Variants in FHIT observed in about 807,000 individuals in gnomAD.
FHIT encodes the protein fragile histidine triad diadenosine triphosphatase.
FHIT carries 19 observed loss-of-function variants against 17.9 expected under a neutral mutation model. The ratio of observed to expected loss-of-function variants is 1.06; its 90% CI spans 0.74 to 1.56. FHIT has a LOEUF of 1.56. Among genes scored for constraint, FHIT ranks in the 40% most tolerant of loss-of-function variants. The pLI, the probability that FHIT is intolerant of heterozygous loss-of-function variation, is 0.00. For missense variants in FHIT, 248 were observed against 189.2 expected, an observed-to-expected ratio of 1.31 and a Z score of -1.82; for synonymous variants, 81 against 69.7, an observed-to-expected ratio of 1.16 and a Z score of -0.81.
intron 2 of FHIT, among the ~76,000 whole-genome samples, chr3:61,077,562 C>G (rs2035009802): frequency 6.6e-6 from 1 of 152,078 alleles, no homozygotes; most frequent in African/African-American, 2.4e-5. Context: ...ACCCCTACTT[C>G]CTCCCCACTG....
chr3:61,023,987 AAAT>A (rs1323984389), intron 3 of FHIT, among the ~76,000 whole-genome samples: 71 of 152,208 alleles, frequency 4.7e-4, no homozygotes, highest in Non-Finnish European at 8.7e-4. Context: ...ACAAAAGCCA[AAAT>A]TGACAAATGG....
chr3:60,682,424 T>C (rs1416364147), intron 4 of FHIT, among the ~76,000 whole-genome samples: 2 of 152,184 alleles, frequency 1.3e-5, no homozygotes, highest in African/African-American at 4.8e-5. Context: ...GCTGGTGACT[T>C]TAAGTTGAAG....
chr3:60,801,674 G>A (rs993363899), intron 4 of FHIT, among the ~76,000 whole-genome samples: 2 of 152,226 alleles, frequency 1.3e-5, no homozygotes, highest in Non-Finnish European at 2.9e-5. Context: ...TCTTATGACA[G>A]TATTGGGCTC....
chr3:61,042,475 G>T (rs1188863202), intron 2 of FHIT, among the ~76,000 whole-genome samples: 1 of 152,138 alleles, frequency 6.6e-6, no homozygotes, highest in East Asian at 1.9e-4. Flanking sequence ...TTTTAAAACA[G>T]AATATGGGTA....
At chr3:60,255,587 G>A (rs1305466973) in intron 5 of FHIT, among the ~76,000 whole-genome samples, 1 of 152,082 alleles carries the variant, frequency 6.6e-6, no homozygotes, top group Non-Finnish European at 1.5e-5. Flanking sequence ...TTTTCCAAAA[G>A]CCGCCCCAAA....
intron 7 of FHIT, among the ~76,000 whole-genome samples, chr3:59,984,395 G>C (rs1295336735): frequency 7.7e-6 from 1 of 129,798 alleles, no homozygotes; most frequent in Non-Finnish European, 1.6e-5. Context: ...CAAATCCACT[G>C]GGGGGGGCTC....
intron 2 of FHIT, among the ~76,000 whole-genome samples, chr3:61,048,506 A>G (rs1272894031): frequency 6.6e-6 from 1 of 152,226 alleles, no homozygotes; most frequent in Non-Finnish European, 1.5e-5. Flanking sequence ...GTGGAGAAAT[A>G]GGAACACTTT....
intron 3 of FHIT, among the ~76,000 whole-genome samples, chr3:60,886,850 A>G (rs1412934000): frequency 1.3e-5 from 2 of 152,166 alleles, no homozygotes; most frequent in Non-Finnish European, 2.9e-5. Flanking sequence ...AAGGCTATCT[A>G]GACTATCTAC....
At chr3:59,889,571 A>G (rs1292297698) in intron 8 of FHIT, among the ~76,000 whole-genome samples, 1 of 152,196 alleles carries the variant, frequency 6.6e-6, no homozygotes, top group African/African-American at 2.4e-5. Flanking sequence ...CCCTCCTTAT[A>G]ACAGAGAGGA....
chr3:60,011,356 A>C lies in FHIT; in HGVS notation c.279+15T>G. ...TCGCCTCTTATTAATTTGTATGCAC[A>C]TAATAAGCACTCACCTTCACAGTCT... On this transcript the variant is annotated intron_variant, in intron 7 of 9. Transcript: ENST00000492590. The C allele has an allele frequency of 6.2e-7, 1 of 1,612,942 alleles. No individual in the cohort carries two copies.
chr3:59,893,255 G>C (rs544642927), intron 8 of FHIT, among the ~76,000 whole-genome samples: 1 of 152,280 alleles, frequency 6.6e-6, no homozygotes, highest in Non-Finnish European at 1.5e-5. Context: ...CAGCTTCAAG[G>C]TGTCAACTGG....
At chr3:60,001,585 T>G (rs1699730182) in intron 7 of FHIT, among the ~76,000 whole-genome samples, 1 of 152,148 alleles carries the variant, frequency 6.6e-6, no homozygotes, top group Non-Finnish European at 1.5e-5. Flanking sequence ...CTCACAGTGC[T>G]TTGAGTTTCC....
At chr3:60,132,186 A>G (rs572267508) in intron 5 of FHIT, among the ~76,000 whole-genome samples, 3 of 152,070 alleles carry the variant, frequency 2.0e-5, no homozygotes, top group African/African-American at 7.2e-5. Flanking sequence ...TTCACTCTTC[A>G]TTTGTTTCCT....
intron 5 of FHIT, among the ~76,000 whole-genome samples, chr3:60,521,525 G>T (rs1284009479): frequency 6.6e-6 from 1 of 152,126 alleles, no homozygotes. Context: ...GGGATTACAG[G>T]CATGAGCCAC....
intron 5 of FHIT, among the ~76,000 whole-genome samples, chr3:60,272,453 GT>G (rs2107629889): frequency 6.6e-6 from 1 of 152,274 alleles, no homozygotes; most frequent in African/African-American, 2.4e-5. Flanking sequence ...GTCAGTGTGT[GT>G]CTGGGGCTAT....
intron 5 of FHIT, among the ~76,000 whole-genome samples, chr3:60,070,743 C>T (rs1378164513): frequency 2.0e-5 from 3 of 152,200 alleles, no homozygotes; most frequent in Admixed American, 6.5e-5. Flanking sequence ...GTCCATGAGA[C>T]AGAAGGTTAT....
intron 1 of FHIT, among the ~76,000 whole-genome samples, chr3:61,244,939 T>C (rs2040454785): frequency 6.6e-6 from 1 of 152,184 alleles, no homozygotes; most frequent in Admixed American, 6.5e-5. Context: ...CTCGTTAATC[T>C]GTCTTTTGTT....
chr3:60,870,903 G>C (rs545939947), intron 3 of FHIT, among the ~76,000 whole-genome samples: 2 of 152,240 alleles, frequency 1.3e-5, no homozygotes, highest in East Asian at 1.9e-4. Flanking sequence ...TTGGGAAATA[G>C]TCACTTAGCC....
chr3:60,474,744 C>T (rs1370906196), intron 5 of FHIT, among the ~76,000 whole-genome samples: 2 of 152,048 alleles, frequency 1.3e-5, no homozygotes, highest in Non-Finnish European at 1.5e-5. Context: ...CTGCCTCAGC[C>T]TCCCGAGTAG....
Sources: gnomAD v4.1 joint callset for allele counts (sites outside exome capture counted in the v4.1 genomes callset) on GRCh38, gnomAD v4.1.1 for gene constraint, MANE v1.5 for transcripts, NCBI Gene and HGNC (gene_info 2026-07-23, HGNC 2026-07-21) for gene names.